The following LRRC41 variants were observed in gnomAD, a reference collection of about 807,000 sequenced individuals.
LRRC41 encodes the protein leucine rich repeat containing 41.
Under a neutral mutation model 72.1 loss-of-function variants are expected in LRRC41, and 17 were observed. The observed-to-expected ratio is 0.24, with a 90% confidence interval of 0.16 to 0.35. The LOEUF (loss-of-function observed/expected upper bound fraction) is 0.35. Ranked by LOEUF, LRRC41 falls within the 10% of genes least tolerant of loss-of-function variation. The pLI, the probability that LRRC41 is intolerant of heterozygous loss-of-function variation, is 1.00. For synonymous variants in LRRC41, 427 were observed against 431.0 expected (o/e 0.99, Z 0.11); for missense variants, 759 against 1,065.0 (o/e 0.71, Z 4.00).
At chr1:46,296,186 G>T (rs1004748431) in intron 3 of LRRC41, among the ~76,000 whole-genome samples, 2 of 152,162 alleles carry the variant, frequency 1.3e-5, no homozygotes, top group Non-Finnish European at 2.9e-5. Context: ...AGGCCGAGGT[G>T]GGTGGATCAA....
chr1:46,281,345 C>T lies in LRRC41; in HGVS notation c.1536G>A (p.Arg512=), dbSNP rs756854733. 6.2e-7 allele frequency: 1 copy of T among 1,614,110 alleles called. No individual in the cohort carries two copies. The highest frequency in any genetic ancestry group is 8.5e-7 in the Non-Finnish European group (1 of 1,179,992). Residue 512 remains arginine (R), a synonymous_variant, in exon 5 of 10, where the codon CGG becomes CGA. Coordinates refer to ENST00000617190, the MANE Select transcript of LRRC41 (RefSeq NM_006369.5). ...SNIFRLLDSL[R]ALSGQAGCRL... ...GACATCCAGCCTGGCCTGACAGGGC[C>T]CGCAGGCTGTCTAGCAGGCGGAAGA...
rs1453059926 is a variant in LRRC41 at position 46,297,753 on chromosome 1, C to T, written c.287-120G>A. 9 of 695,298 alleles carry T rather than the reference C, an allele frequency of 1.3e-5. No homozygotes were observed. In the East Asian group the frequency reaches 1.3e-4, roughly 10 times the overall value. 43.1% of individuals were successfully genotyped at this position (695,298 alleles called of 1,614,324 possible). On this transcript the variant is annotated intron_variant, in intron 2 of 9. Transcript: ENST00000617190. ...ATGGCAGAGTGATTAAGGGCACTGG[C>T]TCTAAAGACAGATTGCCTGGGTGTG... is the stretch of plus-strand genomic sequence containing the variant.
chr1:46,293,827 C>T lies in LRRC41; in HGVS notation c.357+3736G>A, dbSNP rs553668369. On this transcript the variant is annotated intron_variant, in intron 3 of 9. Coordinates refer to ENST00000617190, the MANE Select transcript of LRRC41 (RefSeq NM_006369.5). ...CACCGAGGCTGGAGTGCAGTGGTGC[C>T]ATCTCGGCTCATTTTAACCTCTGCC... Among the ~76,000 whole-genome samples the T allele has an allele frequency of 2.0e-5, 3 of 151,752 alleles. No individual in the cohort carries two copies. In the East Asian group the frequency reaches 5.8e-4, roughly 30 times the overall value.
At chr1:46,293,136 A>T (rs1458804671) in intron 3 of LRRC41, among the ~76,000 whole-genome samples, 1 of 151,568 alleles carries the variant, frequency 6.6e-6, no homozygotes, top group African/African-American at 2.4e-5. Flanking sequence ...GTGAGCTGAG[A>T]TCGCACCACT....
At chr1:46,283,770 G>A (rs1310238331) in intron 4 of LRRC41, among the ~76,000 whole-genome samples, 1 of 151,526 alleles carries the variant, frequency 6.6e-6, no homozygotes, top group Non-Finnish European at 1.5e-5. Context: ...CAGTAGTGCA[G>A]TGGCACGATC....
chr1:46,293,502 C>CG (rs1661060190), intron 3 of LRRC41, among the ~76,000 whole-genome samples: 1 of 152,034 alleles, frequency 6.6e-6, no homozygotes, highest in African/African-American at 2.4e-5. Context: ...GGCATCCCAA[C>CG]GTTTTTCTGG....
chr1:46,277,506 G>A lies in LRRC41; in HGVS notation c.*1359C>T. 2.2e-6 allele frequency: 1 copy of A among 451,064 alleles called. No individual in the cohort carries two copies. Among genetic ancestry groups the A allele is most frequent in the South Asian group, 2.2e-5 (1 of 45,382 alleles). 27.9% of individuals were successfully genotyped at this position (451,064 alleles called of 1,614,324 possible). A position where few individuals can be genotyped will look rare whatever the true frequency, so the allele number is the denominator to read the frequency against. On this transcript the variant is annotated 3_prime_UTR_variant, in exon 10 of 10. Coordinates refer to ENST00000617190, the MANE Select transcript of LRRC41 (RefSeq NM_006369.5). ...ATATTTATTGAATGAGTTAGAGTTGGGCTTGGTGCAGAAATCTGAAGCTGC... is the reference window on the plus strand; with the variant it reads ...ATATTTATTGAATGAGTTAGAGTTGAGCTTGGTGCAGAAATCTGAAGCTGC...
In LRRC41 at chr1:46,285,904, G is replaced by A. The variant is rs769881247; in HGVS notation, c.953C>T (p.Pro318Leu). The change falls in exon 4 of 10, where the codon CCT (proline) becomes CTT (leucine). Residue 318 changes from proline to leucine, a missense_variant. Around this residue, in one of 4 missense-constraint regions of LRRC41, gnomAD observed 427 missense variants for 520.9 expected, o/e 0.82. Coordinates refer to ENST00000617190, the MANE Select transcript of LRRC41 (RefSeq NM_006369.5). This position sits in a 1 kb window ranked among gnomAD's most constrained non-coding sequence, Gnocchi z 5.3. ...GCTCCGGCGTGTTACCCGAGTGGCA[G>A]GTGCAGCTCTGGGCATCTGCTTGGC... is the stretch of plus-strand genomic sequence containing the variant. The part of the protein sequence containing the change: ...SEAKQMPRAA[P>L]ATRVTRRSTQ... 4 of 1,544,882 alleles carry A rather than the reference G, an allele frequency of 2.6e-6. No individual in the cohort carries two copies. In the Admixed American group the frequency reaches 8.3e-5, roughly 32 times the overall value.
At position 46,277,782 on chromosome 1, in the gene LRRC41, G is replaced by A. The variant is rs748932624; in HGVS notation, c.*1083C>T. ...CTTTTTATGAGGATGGCTAAGCGCTGTATCTTTTGACATTCCCCACCTCCT... is the reference window on the plus strand; with the variant it reads ...CTTTTTATGAGGATGGCTAAGCGCTATATCTTTTGACATTCCCCACCTCCT... On this transcript the variant is annotated 3_prime_UTR_variant, in exon 10 of 10. Coordinates refer to ENST00000617190, the MANE Select transcript of LRRC41 (RefSeq NM_006369.5). 8 of 1,570,252 alleles carry A rather than the reference G, an allele frequency of 5.1e-6. No individual in the cohort carries two copies. The highest frequency in any genetic ancestry group is 1.7e-4 in the Middle Eastern group (1 of 5,888).
In LRRC41 at chr1:46,286,374, G is replaced by A. The variant is rs761381554; in HGVS notation, c.483C>T (p.Ser161=). Residue 161 remains serine (S), a synonymous_variant, in exon 4 of 10, where the codon TCC becomes TCT. Coordinates refer to ENST00000617190, the MANE Select transcript of LRRC41 (RefSeq NM_006369.5). This position sits in a 1 kb window ranked among gnomAD's most constrained non-coding sequence, Gnocchi z 5.5. ...AGATGGTGAGCTGTCGGACATGGCGGGAGCTGTGCAGAAGAGGTGAGAACC... is the reference window on the plus strand; with the variant it reads ...AGATGGTGAGCTGTCGGACATGGCGAGAGCTGTGCAGAAGAGGTGAGAACC... ...DQRFSPLLHS[S]RHVRQLTICN... is the part of the protein sequence containing the mutation. 13 of 1,614,086 alleles carry A rather than the reference G, an allele frequency of 8.1e-6. No homozygotes were observed. The highest frequency in any genetic ancestry group is 1.1e-5 in the Non-Finnish European group (13 of 1,180,036).
rs1463527647 is a variant in LRRC41, at chr1:46,279,891, G to C, written c.2021-277C>G. Among the ~76,000 whole-genome samples, 2 of 152,170 alleles carry C rather than the reference G, an allele frequency of 1.3e-5. No homozygotes were observed. The highest frequency in any genetic ancestry group is 4.8e-5 in the African/African-American group (2 of 41,440). The stretch of plus-strand genomic sequence containing the variant: ...ACCCTCTATGCGGGGGTGGGGATCA[G>C]AGAAAAGTCTATGAGGGGAGCCTGG... On this transcript the variant is annotated intron_variant, in intron 7 of 9. Transcript: ENST00000617190. This position sits in a 1 kb window ranked among gnomAD's most constrained non-coding sequence, Gnocchi z 4.5.
chr1:46,303,036 G>T, intron 1 of LRRC41, 88 bp downstream of exon 1: 1 of 1,334,930 alleles, frequency 7.5e-7, no homozygotes, highest in Non-Finnish European at 9.6e-7. Context: ...GCCTTGCCCC[G>T]GGCCTCCCGG....
intron 4 of LRRC41, chr1:46,284,049 GGATCTAGT>G (rs1366365669): frequency 1.3e-5 from 2 of 152,164 alleles, no homozygotes; most frequent in Non-Finnish European, 2.9e-5. Flanking sequence ...AGTATACATT[GGATCTAGT>G]AACAAGGAGG....
rs747730697 is a variant in LRRC41, at chr1:46,278,058, CCT to C, written c.*805_*806del. The C allele has an allele frequency of 1.2e-6, 2 of 1,614,078 alleles. No homozygotes were observed. Among genetic ancestry groups the C allele is most frequent in the East Asian group, 4.5e-5 (2 of 44,892 alleles). On this transcript the variant is annotated 3_prime_UTR_variant, in exon 10 of 10. Coordinates refer to ENST00000617190, the MANE Select transcript of LRRC41 (RefSeq NM_006369.5). ...GGGATCTGTAGTGACTTCAGCTGTG[CCT>C]TCTGTCCCTAGGTTGCACTGCCGAC...
In LRRC41 at chr1:46,285,671, C is replaced by A; in HGVS notation, c.1186G>T (p.Gly396Trp). 6.2e-7 allele frequency: 1 copy of A among 1,614,164 alleles called. No individual in the cohort carries two copies. The highest frequency in any genetic ancestry group is 8.5e-7 in the Non-Finnish European group (1 of 1,180,008). ...KPLKRFKRAA[G>W]KKGARTRQGP... ...TGACGGGTGCGAGCACCCTTCTTCC[C>A]TGCAGCTCGCTTGAAACGCTTTAGG... The change falls in exon 4 of 10, where the codon GGG becomes TGG. Residue 396 changes from glycine to tryptophan, a missense_variant. Transcript: ENST00000617190. This position sits in a 1 kb window ranked among gnomAD's most constrained non-coding sequence, Gnocchi z 5.3.
rs762327493 is a variant in LRRC41, at chr1:46,277,930, G to A, written c.*935C>T. 7 of 1,614,130 alleles carry A rather than the reference G, an allele frequency of 4.3e-6. No homozygotes were observed. Among genetic ancestry groups the A allele is most frequent in the Middle Eastern group, 1.7e-4 (1 of 6,058 alleles). ...AGCGCCACTTCTCTCTGGGCGAGTT[G>A]AAGGAGCTGTTTATCCTGGATGAAG... On this transcript the variant is annotated 3_prime_UTR_variant, in exon 10 of 10. Coordinates refer to ENST00000617190, the MANE Select transcript of LRRC41 (RefSeq NM_006369.5).
At position 46,302,658 on chromosome 1, in the gene LRRC41, G is replaced by A; in HGVS notation, c.199+466C>T. 1 of 985,380 alleles carries A rather than the reference G, an allele frequency of 1.0e-6. No individual in the cohort carries two copies. The highest frequency in any genetic ancestry group is 1.2e-6 in the Non-Finnish European group (1 of 829,906). 61.0% of individuals were successfully genotyped at this position (985,380 alleles called of 1,614,324 possible). ...GTCAGGCAGATGCTGGAGCCCCGGG[G>A]CCATCAGTCAGGTTCGGTGGCCCCG... On this transcript the variant is annotated intron_variant, in intron 1 of 9. Coordinates refer to ENST00000617190, the MANE Select transcript of LRRC41 (RefSeq NM_006369.5). The surrounding 1 kb of genome is among the most constrained non-coding windows in gnomAD (Gnocchi z 4.7).
chr1:46,286,193 T>C lies in LRRC41; in HGVS notation c.664A>G (p.Ile222Val), dbSNP rs763688361. ...QSLRQLLHQLIHHGAVSQVSL... is the reference protein window; with the variant it reads ...QSLRQLLHQLVHHGAVSQVSL... The stretch of plus-strand genomic sequence containing the variant: ...ACTTGACTGACAGCCCCATGGTGAA[T>C]GAGCTGATGCAACAGCTGCCGAAGT... Residue 222 changes from isoleucine to valine, a missense_variant, in exon 4 of 10, where the codon ATT becomes GTT. This residue lies in a region of LRRC41 where 116 missense variants were observed against 250.9 expected (regional missense o/e 0.46). Transcript: ENST00000617190. This position sits in a 1 kb window ranked among gnomAD's most constrained non-coding sequence, Gnocchi z 5.5. The C allele has an allele frequency of 7.8e-5, 126 of 1,614,076 alleles. No individual in the cohort carries two copies. Among genetic ancestry groups the C allele is most frequent in the Non-Finnish European group, 1.0e-4 (122 of 1,180,038 alleles).
chr1:46,297,078 T>C, intron 3 of LRRC41: 1 of 153,616 alleles, frequency 6.5e-6, no homozygotes, highest in Non-Finnish European at 1.5e-5. Context: ...GCCTATACTA[T>C]ATTTACATTA....
Sources: gnomAD v4.1 joint callset for allele counts (sites outside exome capture counted in the v4.1 genomes callset) on GRCh38, gnomAD v4.1.1 for gene constraint, gnomAD v4.1.1 regional missense constraint, Gnocchi (gnomAD v3.1) non-coding constraint, MANE v1.5 for transcripts, NCBI Gene and HGNC (gene_info 2026-07-23, HGNC 2026-07-21) for gene names.